Variants in ZFHX3 observed in about 807,000 individuals in gnomAD.
The protein encoded by ZFHX3 is zinc finger homeobox 3.
A neutral mutation model predicts 279.1 loss-of-function variants in ZFHX3; 42 were observed. The observed-to-expected ratio is 0.15, with a 90% confidence interval of 0.12 to 0.19. The LOEUF (loss-of-function observed/expected upper bound fraction) is 0.19. Ranked by LOEUF, ZFHX3 falls within the 10% of genes least tolerant of loss-of-function variation. The pLI is 1.00. For synonymous variants in ZFHX3, 2,293 were observed against 1,957.8 expected (o/e 1.17, Z -4.52); for missense variants, 4,981 against 4,754.0 (o/e 1.05, Z -1.40).
At chr16:73,848,960 T>A (rs976416075) in intron 1 of ZFHX3, among the ~76,000 whole-genome samples, 1 of 152,252 alleles carries the variant, frequency 6.6e-6, no homozygotes, top group African/African-American at 2.4e-5. Flanking sequence ...GGTTTTCTTT[T>A]GAGGCTAAAC....
intron 7 of ZFHX3, among the ~76,000 whole-genome samples, chr16:73,109,088 G>A (rs1033902244): frequency 6.6e-6 from 1 of 152,248 alleles, no homozygotes; most frequent in Non-Finnish European, 1.5e-5. Context: ...GGACTTGAGA[G>A]ATGGAGCTGG....
intron 5 of ZFHX3, among the ~76,000 whole-genome samples, chr16:73,155,186 A>AC (rs1967047301): frequency 1.3e-5 from 2 of 151,616 alleles, no homozygotes; most frequent in Non-Finnish European, 2.9e-5. Context: ...AAAACAAAAA[A>AC]AAAAAAAACA....
intron 3 of ZFHX3, among the ~76,000 whole-genome samples, chr16:73,387,580 G>A (rs936520958): frequency 1.3e-5 from 2 of 151,702 alleles, no homozygotes; most frequent in African/African-American, 2.4e-5. Context: ...TAAAACCCAC[G>A]GAAAAATAGC....
intron 3 of ZFHX3, among the ~76,000 whole-genome samples, chr16:73,341,985 C>T (rs765798837): frequency 4.6e-5 from 7 of 152,100 alleles, no homozygotes; most frequent in Non-Finnish European, 8.8e-5. Context: ...TTTCTAAAAT[C>T]GGCTGTGGTG....
chr16:73,157,748 T>C (rs1200895319), intron 5 of ZFHX3, among the ~76,000 whole-genome samples: 1 of 152,180 alleles, frequency 6.6e-6, no homozygotes, highest in Non-Finnish European at 1.5e-5. Flanking sequence ...TCATTAAGAT[T>C]CCTATGGCAT....
intron 1 of ZFHX3, among the ~76,000 whole-genome samples, chr16:72,979,687 A>G (rs538785270): frequency 1.3e-5 from 2 of 152,320 alleles, no homozygotes; most frequent in Non-Finnish European, 2.9e-5. Context: ...CCTAGCACAC[A>G]GTTATTTATT....
rs541062649 is a variant in ZFHX3 at position 73,471,144 on chromosome 16, C to T, written c.-1546-14886G>A. ...TCAAAGAAAAGCTGATAACAAGATG[C>T]GTTATCATAGTCAACAATTAATGGT... On this transcript the variant is annotated intron_variant, in intron 2 of 17. Coordinates refer to the ZFHX3 transcript ENST00000641206. Among the ~76,000 whole-genome samples, 4 of 152,252 alleles carry T rather than the reference C, an allele frequency of 2.6e-5. No homozygotes were observed. In the South Asian group the frequency reaches 6.2e-4, roughly 24 times the overall value.
chr16:72,958,657 T>C lies in ZFHX3; in HGVS notation c.1489A>G (p.Ser497Gly). 1 of 1,613,940 alleles carries C rather than the reference T, an allele frequency of 6.2e-7. No homozygotes were observed. Among genetic ancestry groups the C allele is most frequent in the Non-Finnish European group, 8.5e-7 (1 of 1,180,026 alleles). The change falls in exon 2 of 10, where the codon AGC (serine) becomes GGC (glycine). Residue 497 changes from serine to glycine, a missense_variant. Physicochemically the swap from Ser to Gly is moderately conservative, Grantham distance 56. Around this residue, in one of 7 missense-constraint regions of ZFHX3, gnomAD observed 1,068 missense variants for 935.2 expected, o/e 1.14. Transcript: ENST00000268489. ...TCCTCCAGTTCCTCATCCAACTCGC[T>C]TGGAAAGAGTCCTTTGCAACCCTCG... Reference protein sequence around the residue: ...EDEGCKGLFPSELDEELEDRP... With the variant: ...EDEGCKGLFPGELDEELEDRP...
At chr16:72,939,565 C>T (rs1960307461) in intron 3 of ZFHX3, among the ~76,000 whole-genome samples, 1 of 152,176 alleles carries the variant, frequency 6.6e-6, no homozygotes. Flanking sequence ...CACCAAACCC[C>T]GACATTATCA....
rs1200424597 is a variant in ZFHX3, at chr16:72,796,925, T to C, written c.5757A>G (p.Lys1919=). Residue 1919 remains lysine (K), a synonymous_variant, in exon 9 of 10, where the codon AAA becomes AAG. Transcript: ENST00000268489. ...LPDALKAKEK[K]ELAPGGGSEP... ...CAGAACCACCCCCTGGTGCCAACTC[T>C]TTCTTCTCTTTGGCCTTCAAGGCAT... 2 of 1,613,802 alleles carry C rather than the reference T, an allele frequency of 1.2e-6. No homozygotes were observed. The highest frequency in any genetic ancestry group is 3.3e-5 in the Admixed American group (2 of 59,992).
chr16:73,569,382 C>CTTTT (rs542449690), intron 2 of ZFHX3, among the ~76,000 whole-genome samples: 1 of 141,072 alleles, frequency 7.1e-6, no homozygotes, highest in African/African-American at 2.6e-5. Flanking sequence ...ATCATGGCTG[C>CTTTT]TTTTTTTTTT....
intron 2 of ZFHX3, among the ~76,000 whole-genome samples, chr16:73,521,709 T>C (rs779087615): frequency 1.3e-5 from 2 of 151,930 alleles, no homozygotes; most frequent in African/African-American, 2.4e-5. Context: ...AAAATTTAAA[T>C]CTAAAATAAT....
At chr16:72,839,452 T>C (rs1684719269) in intron 4 of ZFHX3, among the ~76,000 whole-genome samples, 1 of 152,170 alleles carries the variant, frequency 6.6e-6, no homozygotes, top group Admixed American at 6.5e-5. Flanking sequence ...TGGAATGTTC[T>C]AGAAAGAAGG....
At chr16:73,502,715 A>C (rs1017392546) in intron 2 of ZFHX3, among the ~76,000 whole-genome samples, 7 of 152,184 alleles carry the variant, frequency 4.6e-5, no homozygotes, top group African/African-American at 1.7e-4. Context: ...TCAGCCGCTG[A>C]AAGAGTGAGA....
chr16:73,666,186 A>G (rs1048727087), intron 2 of ZFHX3, among the ~76,000 whole-genome samples: 2 of 151,844 alleles, frequency 1.3e-5, no homozygotes, highest in African/African-American at 4.9e-5. Flanking sequence ...TCGGATATGG[A>G]AAAATGGACA....
intron 1 of ZFHX3, among the ~76,000 whole-genome samples, chr16:73,741,218 C>A (rs143258750): frequency 1.1e-4 from 17 of 151,820 alleles, no homozygotes; most frequent in Non-Finnish European, 1.9e-4. Context: ...AAATGGGCCA[C>A]CTTTTATAAT....
intron 5 of ZFHX3, among the ~76,000 whole-genome samples, chr16:73,182,542 T>A (rs1192198652): frequency 2.0e-5 from 3 of 152,154 alleles, no homozygotes; most frequent in Non-Finnish European, 4.4e-5. Context: ...CTACTGGGTA[T>A]CTACCCAAAG....
intron 3 of ZFHX3, among the ~76,000 whole-genome samples, chr16:73,332,143 A>G (rs889676758): frequency 6.6e-6 from 1 of 152,202 alleles, no homozygotes; most frequent in Admixed American, 6.5e-5. Context: ...GCTGGGACAC[A>G]TTTCCAGTAT....
chr16:73,078,410 G>A (rs1002273406), intron 8 of ZFHX3, among the ~76,000 whole-genome samples: 3 of 152,146 alleles, frequency 2.0e-5, no homozygotes, highest in Non-Finnish European at 1.5e-5. Context: ...TCTAGGGCTT[G>A]GGGTTCCTAA....
Sources: allele counts gnomAD v4.1 joint callset (sites outside exome capture counted in the v4.1 genomes callset), GRCh38; gene constraint gnomAD v4.1.1; regional missense constraint gnomAD v4.1.1; transcripts MANE v1.5; gene names NCBI Gene and HGNC (gene_info 2026-07-23, HGNC 2026-07-21).